MAST4: variants seen among roughly 807,000 people sequenced by gnomAD.
MAST4 encodes microtubule associated serine/threonine kinase family member 4.
A neutral mutation model predicts 162.7 loss-of-function variants in MAST4; 89 were observed. That is an observed-to-expected ratio of 0.55 (90% CI 0.46 to 0.65). The LOEUF is 0.65. Ranked by LOEUF, MAST4 falls within the 30% of genes least tolerant of loss-of-function variation. The pLI is 0.00. For missense variants in MAST4, 3,153 were observed against 3,374.0 expected (o/e 0.93, Z 1.62); for synonymous variants, 1,479 against 1,361.1 (o/e 1.09, Z -1.91).
At position 67,114,173 on chromosome 5, in the gene MAST4, C is replaced by T. The variant is rs1474192755; in HGVS notation, c.1545C>T (p.Pro515=). ...KEGQGIKTDI[P]RYIISQLGLN... ...GACAGGGTATTAAAACCGACATTCC[C>T]AGGTACATCATTAGCCAACTGGGAC... The change falls in exon 12 of 29, where the codon CCC becomes CCT. Residue 515 remains proline (P), a synonymous_variant. Coordinates refer to ENST00000403625, the MANE Select transcript of MAST4 (RefSeq NM_001164664.2). 1.4e-5 allele frequency: 23 copies of T among 1,611,798 alleles called. No homozygotes were observed. Among genetic ancestry groups the T allele is most frequent in the Non-Finnish European group, 1.6e-5 (19 of 1,179,186 alleles).
At chr5:67,069,481 A>G (rs1760663826) in intron 5 of MAST4, among the ~76,000 whole-genome samples, 1 of 151,880 alleles carries the variant, frequency 6.6e-6, no homozygotes, top group Non-Finnish European at 1.5e-5. Context: ...TGACACTCTC[A>G]GCATCTAAAA....
At chr5:66,963,055 G>T (rs1455309968) in intron 4 of MAST4, among the ~76,000 whole-genome samples, 1 of 151,800 alleles carries the variant, frequency 6.6e-6, no homozygotes, top group Non-Finnish European at 1.5e-5. Flanking sequence ...GTTTGGATGG[G>T]TGGGTGGGGA....
At chr5:66,805,207 A>G (rs1382236010) in intron 3 of MAST4, among the ~76,000 whole-genome samples, 2 of 152,230 alleles carry the variant, frequency 1.3e-5, no homozygotes, top group Non-Finnish European at 2.9e-5. Context: ...AGAGATAGCC[A>G]GTTATTCCAG....
intron 1 of MAST4, among the ~76,000 whole-genome samples, chr5:66,712,463 C>A (rs1274789346): frequency 6.6e-6 from 1 of 152,178 alleles, no homozygotes; most frequent in Non-Finnish European, 1.5e-5. Context: ...GAATAGGAAT[C>A]TGCAGAGACT....
chr5:67,125,216 A>G lies in MAST4; in HGVS notation c.1745+4114A>G, dbSNP rs533305415. On this transcript the variant is annotated intron_variant, in intron 14 of 28. Transcript: ENST00000403625. ...AATTCTAACTTTCATTTTAAAATAT[A>G]TATTTCCTGTTTGAAAACACCCTTT... Among the ~76,000 whole-genome samples the G allele has an allele frequency of 5.9e-5, 9 of 151,752 alleles. No homozygotes were observed. In the South Asian group the frequency reaches 1.7e-3, roughly 28 times the overall value.
intron 4 of MAST4, among the ~76,000 whole-genome samples, chr5:66,906,232 A>G (rs1763344440): frequency 6.6e-6 from 1 of 152,152 alleles, no homozygotes; most frequent in Non-Finnish European, 1.5e-5. Flanking sequence ...AAAGGGAAGG[A>G]GGGTATCATG....
At chr5:66,919,097 T>TTAA (rs1764304560) in intron 4 of MAST4, among the ~76,000 whole-genome samples, 1 of 64,754 alleles carries the variant, frequency 1.5e-5, no homozygotes, top group Non-Finnish European at 3.1e-5. Context: ...AGCGAGACTC[T>TTAA]CAACACACAC....
intron 3 of MAST4, among the ~76,000 whole-genome samples, chr5:66,883,421 TG>T (rs201601457): frequency 0.035 from 2,269 of 63,984 alleles, 39 homozygotes; most frequent in Non-Finnish European, 0.048. Context: ...GTTCTGTCAC[TG>T]TTTTTTTTTT....
At chr5:67,117,618 T>C (rs904119422) in intron 12 of MAST4, among the ~76,000 whole-genome samples, 9 of 151,938 alleles carry the variant, frequency 5.9e-5, no homozygotes, top group Admixed American at 3.3e-4. Context: ...TGACTTTTAT[T>C]ATGCATGTTC....
chr5:67,143,651 G>A (rs190138703), intron 21 of MAST4, among the ~76,000 whole-genome samples: 2 of 152,098 alleles, frequency 1.3e-5, no homozygotes, highest in Non-Finnish European at 2.9e-5. Context: ...CCTGCAAATT[G>A]GCCAGCACTA....
intron 4 of MAST4, among the ~76,000 whole-genome samples, chr5:66,977,397 G>C (rs957326879): frequency 6.6e-6 from 1 of 152,156 alleles, no homozygotes; most frequent in South Asian, 2.1e-4. Flanking sequence ...CACCACGCCC[G>C]GCTATCAGAC....
At chr5:66,691,649 C>T (rs1221153704) in intron 1 of MAST4, among the ~76,000 whole-genome samples, 3 of 152,278 alleles carry the variant, frequency 2.0e-5, no homozygotes, top group South Asian at 4.1e-4. Context: ...GGATGGCTGA[C>T]TTCTTGCTGT....
intron 12 of MAST4, among the ~76,000 whole-genome samples, chr5:67,115,846 T>C (rs990440151): frequency 2.0e-5 from 3 of 152,230 alleles, no homozygotes; most frequent in African/African-American, 7.2e-5. Flanking sequence ...TTAGCAGAAA[T>C]TCTATTTAAA....
intron 1 of MAST4, among the ~76,000 whole-genome samples, chr5:66,694,966 C>A (rs1353450174): frequency 6.6e-6 from 1 of 151,972 alleles, no homozygotes. Context: ...CATTCTGTAG[C>A]TTGTCTGTTC....
intron 1 of MAST4, among the ~76,000 whole-genome samples, chr5:66,688,627 T>G (rs1748844347): frequency 6.6e-6 from 1 of 152,158 alleles, no homozygotes; most frequent in Non-Finnish European, 1.5e-5. Context: ...AGATCATTGG[T>G]GAGTAGAGTG....
rs1214224110 is a variant in MAST4, at chr5:67,163,195, C to T, written c.4016C>T (p.Ser1339Phe). 1.2e-6 allele frequency: 2 copies of T among 1,613,014 alleles called. No homozygotes were observed. The highest frequency in any genetic ancestry group is 1.7e-5 in the Admixed American group (1 of 60,010). The change falls in exon 29 of 29, where the codon TCC (serine) becomes TTC (phenylalanine). Residue 1339 changes from serine (S) to phenylalanine (F), a missense_variant. Transcript: ENST00000403625. This position sits in a 1 kb window ranked among gnomAD's most constrained non-coding sequence, Gnocchi z 7.0. ...SSSPSSSAPNSPAGSGHIRPS... is the reference protein window; with the variant it reads ...SSSPSSSAPNFPAGSGHIRPS... ...TCCCCTAGTTCTAGTGCCCCCAATT[C>T]CCCAGCAGGGTCCGGGCACATCCGG...
intron 1 of MAST4, among the ~76,000 whole-genome samples, chr5:66,654,055 C>G (rs953997826): frequency 3.9e-5 from 6 of 152,176 alleles, no homozygotes; most frequent in African/African-American, 1.2e-4. Flanking sequence ...AGATAAAGTC[C>G]TTGCCCTCAT....
intron 12 of MAST4, among the ~76,000 whole-genome samples, chr5:67,117,706 A>G (rs970195105): frequency 6.6e-6 from 1 of 152,124 alleles, no homozygotes; most frequent in East Asian, 1.9e-4. Flanking sequence ...GATAAGACCT[A>G]TCATAGATTT....
intron 1 of MAST4, among the ~76,000 whole-genome samples, chr5:66,745,389 T>A (rs2149581052): frequency 6.6e-6 from 1 of 152,282 alleles, no homozygotes; most frequent in Non-Finnish European, 1.5e-5. Flanking sequence ...CTGCTCTTTC[T>A]CTCTTACCTC....
Sources: gnomAD v4.1 joint callset for allele counts (sites outside exome capture counted in the v4.1 genomes callset) on GRCh38, gnomAD v4.1.1 for gene constraint, Gnocchi (gnomAD v3.1) non-coding constraint, MANE v1.5 for transcripts, NCBI Gene and HGNC (gene_info 2026-07-23, HGNC 2026-07-21) for gene names.